Variants in SMAD9 observed in about 807,000 individuals in gnomAD.
SMAD9 encodes MAD homolog 9.
Under a neutral mutation model 46.1 loss-of-function variants are expected in SMAD9, and 36 were observed. The observed-to-expected ratio is 0.78, with a 90% CI of 0.60 to 1.03. The LOEUF (loss-of-function observed/expected upper bound fraction) is 1.03. SMAD9 is among the 50% of genes least tolerant of loss of function. The pLI is 0.00. For missense variants in SMAD9, 572 were observed against 599.8 expected (o/e 0.95, Z 0.48); for synonymous variants, 245 against 237.1 (o/e 1.03, Z -0.31).
chr13:36,868,411 T>C (rs1433045927), intron 3 of SMAD9, among the ~76,000 whole-genome samples: 2 of 152,182 alleles, frequency 1.3e-5, no homozygotes, highest in Non-Finnish European at 2.9e-5. Flanking sequence ...GATGACCTTT[T>C]TGTAGGTCTT....
In SMAD9 at chr13:36,863,005, G is replaced by A. The variant is rs565886837; in HGVS notation, c.1003+2532C>T. The stretch of plus-strand genomic sequence containing the variant: ...CTCGTGTCCAGTCTGGCTGAGAGGC[G>A]ATGCTCAGTAAGTACTCGTGAGATG... On this transcript the variant is annotated intron_variant, in intron 5 of 6. Coordinates refer to ENST00000379826, the MANE Select transcript of SMAD9 (RefSeq NM_001127217.3). Among the ~76,000 whole-genome samples, 115 of 152,302 alleles carry A rather than the reference G, an allele frequency of 7.6e-4. 1 individual carries two copies. The highest frequency in any genetic ancestry group is 2.7e-3 in the African/African-American group (112 of 41,546).
chr13:36,873,652 C>G (rs1405769556), intron 2 of SMAD9, among the ~76,000 whole-genome samples: 1 of 152,146 alleles, frequency 6.6e-6, no homozygotes, highest in Non-Finnish European at 1.5e-5. Flanking sequence ...CACCTGAGAT[C>G]AGGAGTTTGA....
intron 1 of SMAD9, among the ~76,000 whole-genome samples, chr13:36,898,791 C>A (rs2058550308): frequency 1.3e-5 from 2 of 152,154 alleles, no homozygotes; most frequent in Non-Finnish European, 2.9e-5. Context: ...TACAGGGTAA[C>A]TACAACCTAT....
chr13:36,893,307 T>G (rs2058502686), intron 1 of SMAD9, among the ~76,000 whole-genome samples: 1 of 151,668 alleles, frequency 6.6e-6, no homozygotes, highest in Middle Eastern at 3.4e-3. Flanking sequence ...AAGAGATGAA[T>G]AGAGGTATTT....
At chr13:36,853,364 T>TTTTTG (rs2058090792) in intron 6 of SMAD9, 55 bp downstream of exon 6, 1 of 1,598,992 alleles carries the variant, frequency 6.3e-7, no homozygotes, top group African/African-American at 1.3e-5. Context: ...TCAGGGTGCT[T>TTTTTG]TTTTGTTTTG....
chr13:36,913,811 C>A (rs1024561279), intron 1 of SMAD9, among the ~76,000 whole-genome samples: 1 of 152,178 alleles, frequency 6.6e-6, no homozygotes, highest in Non-Finnish European at 1.5e-5. Flanking sequence ...ATAAACAAGA[C>A]AAAGAAAACC....
At chr13:36,901,214 C>T (rs1566037693) in intron 1 of SMAD9, among the ~76,000 whole-genome samples, 1 of 152,188 alleles carries the variant, frequency 6.6e-6, no homozygotes, top group Non-Finnish European at 1.5e-5. Context: ...CTGGGTCATA[C>T]AGTAATTTTA....
intron 5 of SMAD9, among the ~76,000 whole-genome samples, chr13:36,859,956 A>G (rs367692637): frequency 3.3e-5 from 5 of 151,792 alleles, no homozygotes; most frequent in African/African-American, 9.7e-5. Flanking sequence ...GCGAAACTCC[A>G]TCTCAAAAAA....
intron 1 of SMAD9, among the ~76,000 whole-genome samples, chr13:36,886,312 C>T (rs949836624): frequency 3.9e-5 from 6 of 152,236 alleles, no homozygotes; most frequent in Admixed American, 6.5e-5. Flanking sequence ...CAAGGCGAGA[C>T]GGACAGCAAA....
intron 1 of SMAD9, among the ~76,000 whole-genome samples, chr13:36,900,359 C>A (rs989566205): frequency 1.3e-5 from 2 of 152,108 alleles, no homozygotes; most frequent in Non-Finnish European, 2.9e-5. Context: ...CTGCTCACTG[C>A]AACCTCCACC....
intron 1 of SMAD9, among the ~76,000 whole-genome samples, chr13:36,906,650 T>C (rs1428094003): frequency 6.6e-6 from 1 of 151,274 alleles, no homozygotes; most frequent in Non-Finnish European, 1.5e-5. Context: ...TAAAAGGAGG[T>C]TCAACATCAT....
intron 1 of SMAD9, among the ~76,000 whole-genome samples, chr13:36,898,788 T>C (rs1174346034): frequency 6.6e-6 from 1 of 152,202 alleles, no homozygotes; most frequent in Admixed American, 6.5e-5. Context: ...CTGTACAGGG[T>C]AACTACAACC....
intron 2 of SMAD9, 42 bp from the exon 3 acceptor site, chr13:36,872,957 C>T (rs758405885): frequency 1.2e-6 from 2 of 1,607,798 alleles, no homozygotes; most frequent in Non-Finnish European, 8.5e-7. Flanking sequence ...TTGAACATTG[C>T]TCATCAGTAC....
In SMAD9 at chr13:36,920,145, G is replaced by T; in HGVS notation, c.-216C>A. ...TGGCTGCGCGCGCCCAGCGCCTGCA[G>T]GGCCCGGCGGCGGCGGCGGGGACCG... On this transcript the variant is annotated 5_prime_UTR_variant, in exon 1 of 7. It adds an upstream start codon to the 5' untranslated region. Coordinates refer to ENST00000379826, the MANE Select transcript of SMAD9 (RefSeq NM_001127217.3). 1 of 153,984 alleles carries T rather than the reference G, an allele frequency of 6.5e-6. No homozygotes were observed. The highest frequency in any genetic ancestry group is 1.4e-5 in the Non-Finnish European group (1 of 71,560). The allele number at this position is 153,984 out of a possible 1,614,324, so 9.5% of individuals were successfully genotyped here. A position where few individuals can be genotyped will look rare whatever the true frequency, so the allele number is the denominator to read the frequency against.
chr13:36,900,650 C>A (rs562004764), intron 1 of SMAD9, among the ~76,000 whole-genome samples: 2 of 149,018 alleles, frequency 1.3e-5, no homozygotes, highest in Admixed American at 6.8e-5. Flanking sequence ...TTATTTTTCC[C>A]GAAAGGACTT....
At chr13:36,895,754 CT>C (rs796447891) in intron 1 of SMAD9, among the ~76,000 whole-genome samples, 2 of 151,080 alleles carry the variant, frequency 1.3e-5, no homozygotes, top group Admixed American at 6.6e-5. Flanking sequence ...AAATTCAGTG[CT>C]TTTTTTTTAA....
chr13:36,912,283 A>G (rs1318280406), intron 1 of SMAD9, among the ~76,000 whole-genome samples: 1 of 152,130 alleles, frequency 6.6e-6, no homozygotes, highest in African/African-American at 2.4e-5. Flanking sequence ...AAACCAACCT[A>G]TTTAGGGAAG....
rs764846752 is a variant in SMAD9 at position 36,847,151 on chromosome 13, A to G, written c.*1525T>C. On this transcript the variant is annotated 3_prime_UTR_variant, in exon 7 of 7. Transcript: ENST00000379826. ...GAGGTGACAGTAGTAGCTCAATCAT[A>G]TATCTTTCTCACATGATCATTTCTA... The G allele has an allele frequency of 6.6e-6, 1 of 152,234 alleles. No individual in the cohort carries two copies. 9.4% of individuals were successfully genotyped at this position (152,234 alleles called of 1,614,324 possible). A position where few individuals can be genotyped will look rare whatever the true frequency, so the allele number is the denominator to read the frequency against.
At position 36,886,840 on chromosome 13, in the gene SMAD9, A is replaced by C. The variant is rs548384891; in HGVS notation, c.-186-6965T>G. Reference sequence around the variant, plus strand: ...TGTAGAGTGAGACCTCCAGAGAAAAATGCCAAGAGGGTGGCACAGGGGTGG... The same window carrying C: ...TGTAGAGTGAGACCTCCAGAGAAAACTGCCAAGAGGGTGGCACAGGGGTGG... On this transcript the variant is annotated intron_variant, in intron 1 of 6. Coordinates refer to ENST00000379826, the MANE Select transcript of SMAD9 (RefSeq NM_001127217.3). Among the ~76,000 whole-genome samples the C allele has an allele frequency of 4.6e-5, 7 of 152,230 alleles. No homozygotes were observed. The East Asian group carries it at 1.2e-3, about 25-fold the overall frequency.
Sources: allele counts gnomAD v4.1 joint callset (sites outside exome capture counted in the v4.1 genomes callset), GRCh38; gene constraint gnomAD v4.1.1; transcripts MANE v1.5; gene names NCBI Gene and HGNC (gene_info 2026-07-23, HGNC 2026-07-21).